The following MGST1 variants were observed in gnomAD, a reference collection of about 807,000 sequenced individuals.
The protein encoded by MGST1 is microsomal glutathione S-transferase 1, also known as glutathione S-transferase 12.
In MGST1, 5 loss-of-function variants were observed where a neutral mutation model predicts 8.9. The ratio of observed to expected loss-of-function variants is 0.56; its 90% CI spans 0.29 to 1.19. The LOEUF is 1.19. MGST1 is among the 50% of genes most tolerant of loss of function. The pLI is 0.08. For missense variants in MGST1, 182 were observed against 187.4 expected (o/e 0.97, Z 0.17); for synonymous variants, 54 against 67.8 (o/e 0.80, Z 1.00).
intron 4 of MGST1, among the ~76,000 whole-genome samples, chr12:16,488,801 C>T (rs1158065517): frequency 2.0e-5 from 3 of 151,970 alleles, no homozygotes; most frequent in Non-Finnish European, 4.4e-5. Context: ...ATTTCTCCAC[C>T]GCTTAAATGG....
At chr12:16,551,903 T>G (rs2137250120) in intron 4 of MGST1, among the ~76,000 whole-genome samples, 1 of 152,160 alleles carries the variant, frequency 6.6e-6, no homozygotes, top group East Asian at 1.9e-4. Flanking sequence ...CATCAGATTC[T>G]GATGCTGAGC....
chr12:16,562,965 T>G (rs1264038906), intron 4 of MGST1, among the ~76,000 whole-genome samples: 1 of 152,208 alleles, frequency 6.6e-6, no homozygotes, highest in Non-Finnish European at 1.5e-5. Context: ...TTTTAATCAT[T>G]AAAGGACTCT....
chr12:16,410,918 A>G lies in MGST1; in HGVS notation n.779-26470A>G, dbSNP rs1053760292. 4.6e-5 allele frequency among the ~76,000 whole-genome samples: 7 copies of G among 152,004 alleles called. No homozygotes were observed. The highest frequency in any genetic ancestry group is 2.1e-4 in the South Asian group (1 of 4,826). On this transcript the variant is annotated intron_variant and non_coding_transcript_variant, in intron 1 of 1. Coordinates refer to the MGST1 transcript ENST00000359720. This position sits in a 1 kb window ranked among gnomAD's most constrained non-coding sequence, Gnocchi z 4.4. ...CTTTTGTACCCTGCCAGGCTGGCCT[A>G]TGTTCAATGTTTTGTGTACCTCATA...
At chr12:16,358,509 T>C (rs1278456534) in intron 3 of MGST1, among the ~76,000 whole-genome samples, 2 of 151,640 alleles carry the variant, frequency 1.3e-5, no homozygotes, top group Non-Finnish European at 1.5e-5. Flanking sequence ...CTCTGTCACC[T>C]AGGCTGGAGT....
chr12:16,474,599 C>G (rs1941308940), intron 4 of MGST1, among the ~76,000 whole-genome samples: 1 of 152,178 alleles, frequency 6.6e-6, no homozygotes, highest in Non-Finnish European at 1.5e-5. Flanking sequence ...GCTCTACTCC[C>G]CACTGAACAC....
intron 2 of MGST1, among the ~76,000 whole-genome samples, chr12:16,356,195 C>T (rs989763161): frequency 6.6e-6 from 1 of 152,222 alleles, no homozygotes; most frequent in African/African-American, 2.4e-5. Flanking sequence ...GGGCCACAAA[C>T]ATTCAGTCCT....
At chr12:16,479,575 C>T (rs1591740946) in intron 4 of MGST1, among the ~76,000 whole-genome samples, 1 of 132,488 alleles carries the variant, frequency 7.5e-6, no homozygotes, top group Admixed American at 8.5e-5. Flanking sequence ...GCTCTGTGGC[C>T]CATGCTGGAG....
chr12:16,481,223 A>G (rs772766432), intron 4 of MGST1, among the ~76,000 whole-genome samples: 20 of 152,232 alleles, frequency 1.3e-4, no homozygotes, highest in Non-Finnish European at 2.8e-4. Flanking sequence ...TTCAGTATCT[A>G]CATGGTCCAG....
intron 4 of MGST1, among the ~76,000 whole-genome samples, chr12:16,457,307 A>T (rs1941181967): frequency 6.6e-6 from 1 of 151,940 alleles, no homozygotes; most frequent in South Asian, 2.1e-4. Context: ...TTTACATTTG[A>T]TTTTGTTTTA....
In MGST1 at chr12:16,363,803, T is replaced by C; in HGVS notation, c.230T>C (p.Leu77Pro). The C allele has an allele frequency of 6.2e-7, 1 of 1,602,084 alleles. No homozygotes were observed. The highest frequency in any genetic ancestry group is 2.2e-5 in the East Asian group (1 of 44,590). Reference protein sequence around the residue: ...DRVERVRRAHLNDLENIIPFL... With the variant: ...DRVERVRRAHPNDLENIIPFL... ...GTTATCTTTTTCCACAGAGCCCACC[T>C]GAATGACCTTGAAAATATTATTCCA... is the stretch of plus-strand genomic sequence containing the variant. Residue 77 changes from leucine (L) to proline (P), a missense_variant, in exon 4 of 4, where the codon CTG becomes CCG. Coordinates refer to ENST00000396210, the MANE Select transcript of MGST1 (RefSeq NM_020300.5). The surrounding 1 kb of genome is among the most constrained non-coding windows in gnomAD (Gnocchi z 4.6).
chr12:16,440,834 A>G (rs2137102892), downstream of MGST1, among the ~76,000 whole-genome samples: 1 of 151,896 alleles, frequency 6.6e-6, no homozygotes, highest in East Asian at 1.9e-4. Flanking sequence ...TATGTACTCA[A>G]AAGCTAAATA....
intron 4 of MGST1, among the ~76,000 whole-genome samples, chr12:16,570,050 G>GAT (rs1340205749): frequency 1.3e-5 from 2 of 152,092 alleles, no homozygotes; most frequent in Non-Finnish European, 2.9e-5. Flanking sequence ...TCTCTCCCTT[G>GAT]ATATAGCTCA....
In MGST1 at chr12:16,582,982, G is replaced by T. The variant is rs1302321075; in HGVS notation, n.483-6546G>T. On this transcript the variant is annotated intron_variant and non_coding_transcript_variant, in intron 4 of 4. Coordinates refer to the MGST1 transcript ENST00000538857. This position sits in a 1 kb window ranked among gnomAD's most constrained non-coding sequence, Gnocchi z 4.1. ...AAATCTCTTGAAGCTGGGAGGCAGA[G>T]GTTGTAGTGAGCTGAGATCACTCCA... 6.6e-6 allele frequency among the ~76,000 whole-genome samples: 1 copy of T among 151,128 alleles called. No homozygotes were observed. Among genetic ancestry groups the T allele is most frequent in the African/African-American group, 2.4e-5 (1 of 41,076 alleles).
chr12:16,454,803 G>A (rs1418059199), intron 4 of MGST1, among the ~76,000 whole-genome samples: 2 of 133,494 alleles, frequency 1.5e-5, no homozygotes, highest in Admixed American at 8.3e-5. Flanking sequence ...AAAATTCAAG[G>A]CATCAAAACT....
downstream of MGST1, among the ~76,000 whole-genome samples, chr12:16,379,606 C>A (rs1288098975): frequency 1.3e-5 from 2 of 152,108 alleles, no homozygotes; most frequent in Non-Finnish European, 2.9e-5. Flanking sequence ...GTCTAAAATT[C>A]TCTTTTTTGG....
chr12:16,364,077 T>C lies in MGST1; in HGVS notation c.*36T>C. ...ACAACTCAGCATCCAGTTGGCTTTT[T>C]AAGAATTCTGTACTTCCAATTTATA... On this transcript the variant is annotated 3_prime_UTR_variant, in exon 4 of 4. Transcript: ENST00000396210. This position sits in a 1 kb window ranked among gnomAD's most constrained non-coding sequence, Gnocchi z 5.7. 1 of 1,552,122 alleles carries C rather than the reference T, an allele frequency of 6.4e-7. No individual in the cohort carries two copies. Among genetic ancestry groups the C allele is most frequent in the Non-Finnish European group, 8.7e-7 (1 of 1,147,898 alleles).
intron 1 of MGST1, among the ~76,000 whole-genome samples, chr12:16,351,370 C>T (rs9332894): frequency 0.013 from 1,941 of 152,272 alleles, 25 homozygotes; most frequent in Middle Eastern, 0.034. Flanking sequence ...TTATATTGCA[C>T]TGAGAGCTAA....
At chr12:16,506,148 G>A (rs1941536845) in intron 4 of MGST1, among the ~76,000 whole-genome samples, 1 of 152,156 alleles carries the variant, frequency 6.6e-6, no homozygotes, top group African/African-American at 2.4e-5. Context: ...TTTCATGGGT[G>A]TTGGCAGAAG....
chr12:16,503,342 T>C lies in MGST1; in HGVS notation n.483-86186T>C, dbSNP rs969894460. Among the ~76,000 whole-genome samples, 5 of 152,306 alleles carry C rather than the reference T, an allele frequency of 3.3e-5. No individual in the cohort carries two copies. In the East Asian group the frequency reaches 9.7e-4, roughly 29 times the overall value. Reference sequence around the variant, plus strand: ...CTTAGCTTGGCTTCACTCATAAATGTTATTTTTTCCTTTCTTTTATGTTTT... The same window carrying C: ...CTTAGCTTGGCTTCACTCATAAATGCTATTTTTTCCTTTCTTTTATGTTTT... On this transcript the variant is annotated intron_variant and non_coding_transcript_variant, in intron 4 of 4. Coordinates refer to the MGST1 transcript ENST00000538857. The surrounding 1 kb of genome is among the most constrained non-coding windows in gnomAD (Gnocchi z 4.8).
Sources: allele counts gnomAD v4.1 joint callset (sites outside exome capture counted in the v4.1 genomes callset), GRCh38; gene constraint gnomAD v4.1.1; non-coding constraint Gnocchi (gnomAD v3.1); transcripts MANE v1.5; gene names NCBI Gene and HGNC (gene_info 2026-07-23, HGNC 2026-07-21).